Variants in LAMA5 observed in about 807,000 individuals in gnomAD.
LAMA5 encodes the protein laminin subunit alpha 5.
Under a neutral mutation model 433.4 loss-of-function variants are expected in LAMA5, and 260 were observed. That is an observed-to-expected ratio of 0.60 (90% CI 0.54 to 0.66). The LOEUF (loss-of-function observed/expected upper bound fraction) is 0.66, where lower values mean the gene tolerates loss of function less well. Among genes scored for constraint, LAMA5 ranks in the 30% least tolerant of loss-of-function variants. The pLI, the probability that LAMA5 is intolerant of heterozygous loss-of-function variation, is 0.00. For synonymous variants in LAMA5, 2,620 were observed against 2,226.6 expected, an observed-to-expected ratio of 1.18 and a Z score of -4.97; for missense variants, 5,378 against 5,258.5, an observed-to-expected ratio of 1.02 and a Z score of -0.70.
intron 6 of LAMA5, chr20:62,351,006 T>C (rs564776593): frequency 6.5e-6 from 1 of 153,302 alleles, no homozygotes; most frequent in South Asian, 2.1e-4. Context: ...GGACTCTGGG[T>C]GAGGCCCAGG....
Position 62,324,229 on chromosome 20 carries a change from C to A in LAMA5, c.5644-25G>T, listed in dbSNP as rs1237522236. The A allele has an allele frequency of 2.5e-6, 4 of 1,577,992 alleles. No homozygotes were observed. In the African/African-American group the frequency reaches 4.1e-5, roughly 16 times the overall value. ...CCTGGGGCAGAGTGGACAGTCAGAG[C>A]TATGGTGGACACCCACATCCTACTG... On this transcript the variant is annotated intron_variant, in intron 42 of 79. Coordinates refer to ENST00000252999, the MANE Select transcript of LAMA5 (RefSeq NM_005560.6). The surrounding 1 kb of genome is among the most constrained non-coding windows in gnomAD (Gnocchi z 4.4).
Position 62,367,044 on chromosome 20 carries a change from C to T in LAMA5, c.202G>A (p.Ala68Thr), listed in dbSNP as rs761801983. Residue 68 changes from alanine to threonine, a missense_variant, in exon 1 of 80, where the codon GCC (alanine) becomes ACC (threonine). Transcript: ENST00000252999. ...GGGCGCGGGGAGCCGCGCGCCGGGG[C>T]CTCCTCTCCGCAGGTCGCGGAGGCG... is the stretch of plus-strand genomic sequence containing the variant. ...IAASATCGEE[A>T]PARGSPRPTE... 109 of 1,265,944 alleles carry T rather than the reference C, an allele frequency of 8.6e-5. No individual in the cohort carries two copies. Among genetic ancestry groups the T allele is most frequent in the Non-Finnish European group, 1.0e-4 (103 of 1,008,646 alleles). 78.4% of individuals were successfully genotyped at this position (1,265,944 alleles called of 1,614,324 possible).
In LAMA5 at chr20:62,319,772, C is replaced by T. The variant is rs924830018; in HGVS notation, c.6783G>A (p.Ala2261=). The T allele has an allele frequency of 2.4e-5, 37 of 1,547,472 alleles. No homozygotes were observed. The highest frequency in any genetic ancestry group is 2.7e-5 in the African/African-American group (2 of 73,024). Residue 2261 remains alanine, a synonymous_variant, in exon 51 of 80, where the codon GCG becomes GCA. Coordinates refer to ENST00000252999, the MANE Select transcript of LAMA5 (RefSeq NM_005560.6). The part of the protein sequence containing the change: ...GGQAVGTRDQ[A]SQLLAGTEAT... ...CCTCGGTGCCGGCCAGCAATTGGCT[C>T]GCCTGGTCTCGGGTCCCCACGGCCT...
At chr20:62,309,894 C>T in intron 78 of LAMA5, 59 bp from the exon 79 acceptor site, 1 of 1,606,538 alleles carries the variant, frequency 6.2e-7, no homozygotes, top group Non-Finnish European at 8.5e-7. Context: ...CTCTCCAGCC[C>T]CAAAAGAAGC....
rs760085723 is a variant in LAMA5 at position 62,310,456 on chromosome 20, G to T, written c.10563C>A (p.Gly3521=). ...CTCCCCCGCTGCCTGGGAAGAACAG[G>T]CCCGCCTCCAGGGGGCCCAAGATGC... ...TPCILGPLEA[G]LFFPGSGGVI... Residue 3521 remains glycine (G), a synonymous_variant, in exon 76 of 80, where the codon GGC becomes GGA. Transcript: ENST00000252999. 7.5e-6 allele frequency: 12 copies of T among 1,601,546 alleles called. No individual in the cohort carries two copies. Among genetic ancestry groups the T allele is most frequent in the Non-Finnish European group, 9.4e-6 (11 of 1,175,572 alleles).
At position 62,327,966 on chromosome 20, in the gene LAMA5, G is replaced by A. The variant is rs149169462; in HGVS notation, c.4697C>T (p.Pro1566Leu). 1,201 of 1,612,430 alleles carry A rather than the reference G, an allele frequency of 7.4e-4. 1 individual carries two copies. The highest frequency in any genetic ancestry group is 1.3e-3 in the African/African-American group (98 of 75,018). The change falls in exon 36 of 80, where the codon CCG becomes CTG. Residue 1566 changes from proline (P) to leucine (L), a missense_variant. By Grantham distance (98) the Pro-to-Leu change is moderately conservative. Coordinates refer to ENST00000252999, the MANE Select transcript of LAMA5 (RefSeq NM_005560.6). Reference protein sequence around the residue: ...VTGRRCDTCSPGFHGYPRCRP... With the variant: ...VTGRRCDTCSLGFHGYPRCRP... ...GCAGCGGGGGTAGCCATGGAAGCCC[G>A]GAGAGCAGGTATCACAGCGGCGCCC... is the stretch of plus-strand genomic sequence containing the variant.
At chr20:62,351,669 C>G in intron 6 of LAMA5, 35 bp downstream of exon 6, 1 of 1,592,240 alleles carries the variant, frequency 6.3e-7, no homozygotes, top group Non-Finnish European at 8.6e-7. Flanking sequence ...GGGGGGGCCT[C>G]ACCTGAACGG....
intron 79 of LAMA5, 73 bp downstream of exon 79, chr20:62,309,634 AGGGGTGGGG>A (rs1555864621): frequency 9.4e-6 from 4 of 425,028 alleles, no homozygotes; most frequent in Admixed American, 2.0e-4. Context: ...CAGGGGGTGG[AGGGGTGGGG>A]GGAGGGTGGT....
chr20:62,337,384 G>A (rs547670137), intron 16 of LAMA5, among the ~76,000 whole-genome samples: 50 of 152,364 alleles, frequency 3.3e-4, no homozygotes, highest in African/African-American at 1.2e-3. Flanking sequence ...CGACAGGCGC[G>A]GATGCACAGC....
rs1978739647 is a variant in LAMA5 at position 62,323,674 on chromosome 20, G to A, written c.5850-4C>T. On this transcript the variant is annotated splice_polypyrimidine_tract_variant and splice_region_variant and intron_variant, in intron 44 of 79. Transcript: ENST00000252999. ...CCCAAAGAATCCGGGCGCACACCTG[G>A]GAGCAGGGTGGGGAGGGGCCGTCAG... The A allele has an allele frequency of 6.2e-7, 1 of 1,604,718 alleles. No individual in the cohort carries two copies. The highest frequency in any genetic ancestry group is 8.5e-7 in the Non-Finnish European group (1 of 1,175,214).
chr20:62,334,508 G>A lies in LAMA5; in HGVS notation c.2582+14C>T. ...GCCCCGCTCCCCACCACCCAGTGGGGAAGGGGTACCCACTCGCTGCAGGTG... is the reference window on the plus strand; with the variant it reads ...GCCCCGCTCCCCACCACCCAGTGGGAAAGGGGTACCCACTCGCTGCAGGTG... On this transcript the variant is annotated intron_variant, in intron 21 of 79. Coordinates refer to ENST00000252999, the MANE Select transcript of LAMA5 (RefSeq NM_005560.6). The A allele has an allele frequency of 1.3e-6, 2 of 1,545,614 alleles. No individual in the cohort carries two copies. Among genetic ancestry groups the A allele is most frequent in the Non-Finnish European group, 1.7e-6 (2 of 1,145,132 alleles).
In LAMA5 at chr20:62,318,982, C is replaced by T. The variant is rs781570817; in HGVS notation, c.6903G>A (p.Leu2301=). Residue 2301 remains leucine, a synonymous_variant, in exon 52 of 80, where the codon CTG becomes CTA. Transcript: ENST00000252999. ...CACCTGATGGAGCCGAGGCATTGGC[C>T]AGCCCCAGGTGGCCCGTCTGGGACA... is the stretch of plus-strand genomic sequence containing the variant. ...ELMSQTGHLG[L]ANASAPSGEQ... 3 of 1,592,738 alleles carry T rather than the reference C, an allele frequency of 1.9e-6. No homozygotes were observed. The highest frequency in any genetic ancestry group is 2.6e-6 in the Non-Finnish European group (3 of 1,171,922).
chr20:62,323,942 C>G (rs1370692070), intron 43 of LAMA5, 86 bp from the exon 44 acceptor site: 2 of 1,453,988 alleles, frequency 1.4e-6, no homozygotes, highest in Non-Finnish European at 1.9e-6. Flanking sequence ...GGAACACACG[C>G]CAGGCGTCGG....
At chr20:62,321,042 G>A (rs1987646317) in intron 48 of LAMA5, 152 bp from the exon 49 acceptor site, 1 of 819,726 alleles carries the variant, frequency 1.2e-6, no homozygotes, top group East Asian at 2.7e-5. Context: ...AGGTCCCAGA[G>A]TTCTGGCAGA....
chr20:62,309,542 A>G (rs1405921288), intron 79 of LAMA5, 67 bp from the exon 80 acceptor site: 2 of 1,375,836 alleles, frequency 1.5e-6, no homozygotes, highest in African/African-American at 3.1e-5. Context: ...GGCCCTTCCC[A>G]AACGTCAGTG....
chr20:62,351,764 C>G lies in LAMA5; in HGVS notation c.896G>C (p.Arg299Pro). ...YSIKDISIGG[R>P]CVCHGHADAC... ...ATCCGCGTGGCCGTGGCAGACACAG[C>G]GGCCTCCGATGCTGATATCCTTGAT... The change falls in exon 6 of 80, where the codon CGC (arginine) becomes CCC (proline). Residue 299 changes from arginine (R) to proline (P), a missense_variant. Arg to Pro is a moderately radical substitution (Grantham distance 103, BLOSUM62 -2). Coordinates refer to ENST00000252999, the MANE Select transcript of LAMA5 (RefSeq NM_005560.6). 6.2e-7 allele frequency: 1 copy of G among 1,611,158 alleles called. No homozygotes were observed. The highest frequency in any genetic ancestry group is 8.5e-7 in the Non-Finnish European group (1 of 1,179,626).
chr20:62,319,404 G>A (rs77713982), intron 51 of LAMA5, among the ~76,000 whole-genome samples: 5,929 of 152,112 alleles, frequency 0.039, 139 homozygotes, highest in Non-Finnish European at 0.062. Context: ...CCATGTCTCA[G>A]TGTGCACTAC....
chr20:62,312,876 C>A lies in LAMA5; in HGVS notation c.9078+12G>T. On this transcript the variant is annotated intron_variant, in intron 66 of 79. Transcript: ENST00000252999. The stretch of plus-strand genomic sequence containing the variant: ...CCTCTCCCTGCCACCCTGGTCCCCA[C>A]CCTGGCCCTACCGCCTTGCTGGCCG... 1.9e-6 allele frequency: 3 copies of A among 1,595,164 alleles called. No individual in the cohort carries two copies. The highest frequency in any genetic ancestry group is 2.6e-6 in the Non-Finnish European group (3 of 1,169,932).
In LAMA5 at chr20:62,315,118, T is replaced by C. The variant is rs1239574676; in HGVS notation, c.7957A>G (p.Met2653Val). 1.2e-6 allele frequency: 2 copies of C among 1,609,048 alleles called. No individual in the cohort carries two copies. Among genetic ancestry groups the C allele is most frequent in the Admixed American group, 1.7e-5 (1 of 59,944 alleles). Residue 2653 changes from methionine (M) to valine (V), a missense_variant, in exon 59 of 80, where the codon ATG (methionine) becomes GTG (valine). Met to Val is a conservative substitution (Grantham distance 21). Transcript: ENST00000252999. ...ATRVQSQLQA[M>V]QENVERWQGQ... ...TGCCACCGCTCCACATTCTCCTGCA[T>C]GGCCTGCAGCTGGGACTGCACACGG... is the stretch of plus-strand genomic sequence containing the variant.
Sources: gnomAD v4.1 joint callset for allele counts (sites outside exome capture counted in the v4.1 genomes callset) on GRCh38, gnomAD v4.1.1 for gene constraint, Gnocchi (gnomAD v3.1) non-coding constraint, MANE v1.5 for transcripts, NCBI Gene and HGNC (gene_info 2026-07-23, HGNC 2026-07-21) for gene names.